CENPP: variants seen among roughly 807,000 people sequenced by gnomAD.
CENPP encodes the protein centromere protein P.
Under a neutral mutation model 35.6 loss-of-function variants are expected in CENPP, and 24 were observed. That is an observed-to-expected ratio of 0.67 (90% CI 0.49 to 0.95). The LOEUF (loss-of-function observed/expected upper bound fraction) is 0.95, where lower values mean the gene tolerates loss of function less well. CENPP is among the 40% of genes least tolerant of loss of function. CENPP has a pLI of 0.00. For missense variants in CENPP, 332 were observed against 345.3 expected (o/e 0.96, Z 0.31); for synonymous variants, 120 against 125.5 (o/e 0.96, Z 0.29).
chr9:92,332,100 G>A, intron 1 of CENPP, 70 bp from the exon 2 acceptor site: 2 of 998,464 alleles, frequency 2.0e-6, no homozygotes. Context: ...AATGCTTTGA[G>A]GAAAATGGGG....
intron 4 of CENPP, among the ~76,000 whole-genome samples, chr9:92,348,112 C>CTTT (rs11353028): frequency 8.0e-6 from 1 of 125,222 alleles, no homozygotes; most frequent in Admixed American, 8.5e-5. Context: ...TTCTTTCTTT[C>CTTT]TTTTTTTTTT....
At chr9:92,519,686 G>T (rs977700106) in intron 5 of CENPP, among the ~76,000 whole-genome samples, 6 of 151,410 alleles carry the variant, frequency 4.0e-5, no homozygotes, top group African/African-American at 1.5e-4. Context: ...CTTATATTTA[G>T]ACCTTTGCTG....
chr9:92,619,285 A>C lies in CENPP; in HGVS notation c.*6136A>C. 1.8e-6 allele frequency: 1 copy of C among 564,444 alleles called. No individual in the cohort carries two copies. The highest frequency in any genetic ancestry group is 3.2e-6 in the Non-Finnish European group (1 of 314,140). 35.0% of individuals were successfully genotyped at this position (564,444 alleles called of 1,614,324 possible). On this transcript the variant is annotated 3_prime_UTR_variant, in exon 8 of 8. Coordinates refer to ENST00000375587, the MANE Select transcript of CENPP (RefSeq NM_001012267.3). ...ACAATCCTTTTAAGTTATTCTCCAT[A>C]AATCTGTCTTTTGACTGAATTACAA...
rs1163513663 is a variant in CENPP at position 92,332,331 on chromosome 9, G to A, written c.269G>A (p.Ser90Asn). 4 of 1,589,348 alleles carry A rather than the reference G, an allele frequency of 2.5e-6. No homozygotes were observed. Among genetic ancestry groups the A allele is most frequent in the Non-Finnish European group, 3.4e-6 (4 of 1,169,998 alleles). The change falls in exon 2 of 8, where the codon AGC becomes AAC. Residue 90 changes from serine (S) to asparagine (N), a missense_variant. Transcript: ENST00000375587. ...TCCAAGCAGACAGAAGACCTAACAAGCACTGAGATGACAGAAAAGAGTAAG... is the reference window on the plus strand; with the variant it reads ...TCCAAGCAGACAGAAGACCTAACAAACACTGAGATGACAGAAAAGAGTAAG... ...NHSKQTEDLT[S>N]TEMTEKSIRK...
intron 6 of CENPP, 139 bp from the exon 7 acceptor site, chr9:92,612,384 G>A (rs1851285870): frequency 4.5e-6 from 3 of 670,862 alleles, no homozygotes; most frequent in African/African-American, 1.8e-5. Flanking sequence ...TACTGACTGT[G>A]CCTCTTCTTG....
chr9:92,461,419 C>T (rs1204619149), intron 5 of CENPP, among the ~76,000 whole-genome samples: 1 of 152,146 alleles, frequency 6.6e-6, no homozygotes, highest in Non-Finnish European at 1.5e-5. Flanking sequence ...TTACAGAATA[C>T]ATTTGGTTCT....
intron 4 of CENPP, among the ~76,000 whole-genome samples, chr9:92,366,376 C>A (rs552917602): frequency 3.7e-4 from 56 of 152,154 alleles, no homozygotes; most frequent in Non-Finnish European, 7.2e-4. Context: ...CTTGGGGAAT[C>A]CTTCTCAGTG....
intron 5 of CENPP, among the ~76,000 whole-genome samples, chr9:92,477,685 A>G (rs1254444713): frequency 6.6e-6 from 1 of 152,208 alleles, no homozygotes; most frequent in Non-Finnish European, 1.5e-5. Flanking sequence ...TTCTTAAAGT[A>G]GAGCACACCT....
intron 5 of CENPP, among the ~76,000 whole-genome samples, chr9:92,543,427 T>C (rs1192716368): frequency 8.3e-6 from 1 of 119,864 alleles, no homozygotes; most frequent in Admixed American, 1.1e-4. Context: ...AGCAGAAATC[T>C]CACCACTGCT....
chr9:92,596,711 G>A (rs1409543126), intron 5 of CENPP, among the ~76,000 whole-genome samples: 3 of 151,920 alleles, frequency 2.0e-5, no homozygotes, highest in African/African-American at 4.8e-5. Context: ...TTCTGTCCCC[G>A]CCATGACAGC....
chr9:92,469,314 G>C (rs1036647895), intron 5 of CENPP, among the ~76,000 whole-genome samples: 1 of 152,204 alleles, frequency 6.6e-6, no homozygotes, highest in African/African-American at 2.4e-5. Context: ...GAGCAGACAA[G>C]GTGCTGGCTA....
intron 5 of CENPP, among the ~76,000 whole-genome samples, chr9:92,382,404 C>A (rs1842272993): frequency 6.6e-6 from 1 of 152,038 alleles, no homozygotes; most frequent in Non-Finnish European, 1.5e-5. Flanking sequence ...CTATTTGAAA[C>A]TATATATTAT....
At chr9:92,514,860 CTCA>C in intron 5 of CENPP, 1 of 1,612,520 alleles carries the variant, frequency 6.2e-7, no homozygotes, top group Non-Finnish European at 8.5e-7. Context: ...CCTCCTCCTC[CTCA>C]TCCTCCTCCT....
At chr9:92,357,064 C>G (rs1036432931) in intron 4 of CENPP, among the ~76,000 whole-genome samples, 3 of 152,048 alleles carry the variant, frequency 2.0e-5, no homozygotes, top group African/African-American at 7.2e-5. Context: ...TTAATACTAG[C>G]TTTTAGTCTA....
intron 5 of CENPP, among the ~76,000 whole-genome samples, chr9:92,436,548 A>G (rs569540990): frequency 5.9e-5 from 9 of 152,320 alleles, no homozygotes; most frequent in Non-Finnish European, 1.2e-4. Flanking sequence ...TTTTACTTTT[A>G]TGATTCATTT....
chr9:92,340,423 A>T (rs1841075923), intron 3 of CENPP: 1 of 152,196 alleles, frequency 6.6e-6, no homozygotes, highest in African/African-American at 2.4e-5. Context: ...TAAGTTGCAT[A>T]CTTCAGTCAC....
intron 5 of CENPP, among the ~76,000 whole-genome samples, chr9:92,541,712 T>C (rs1217869669): frequency 6.6e-6 from 1 of 152,068 alleles, no homozygotes; most frequent in African/African-American, 2.4e-5. Flanking sequence ...GACACTTAGG[T>C]TGATTCCATA....
intron 5 of CENPP, chr9:92,522,556 TCTCA>T: frequency 6.3e-7 from 1 of 1,582,022 alleles, no homozygotes; most frequent in Non-Finnish European, 8.6e-7. Context: ...TCTGTCTCTC[TCTCA>T]TAGTGTTCTC....
chr9:92,482,994 C>T (rs1448864449), intron 5 of CENPP, among the ~76,000 whole-genome samples: 1 of 151,784 alleles, frequency 6.6e-6, no homozygotes, highest in Non-Finnish European at 1.5e-5. Flanking sequence ...TCCCTGGACT[C>T]AACATATGTG....
Sources: gnomAD v4.1 joint callset for allele counts (sites outside exome capture counted in the v4.1 genomes callset) on GRCh38, gnomAD v4.1.1 for gene constraint, MANE v1.5 for transcripts, NCBI Gene and HGNC (gene_info 2026-07-23, HGNC 2026-07-21) for gene names.